Variants in DAG1 observed in about 807,000 individuals in gnomAD.
DAG1 encodes the protein dystroglycan 1 (dystrophin-associated glycoprotein 1).
A neutral mutation model predicts 46.1 loss-of-function variants in DAG1; 8 were observed. The ratio of observed to expected loss-of-function variants is 0.17; its 90% CI spans 0.10 to 0.31. The LOEUF (loss-of-function observed/expected upper bound fraction) is 0.31, where lower values mean the gene tolerates loss of function less well. DAG1 is among the 10% of genes least tolerant of loss of function. DAG1 has a pLI of 1.00. For missense variants in DAG1, 1,003 were observed against 1,189.9 expected (o/e 0.84, Z 2.31); for synonymous variants, 495 against 481.8 (o/e 1.03, Z -0.36).
At chr3:49,509,281 A>T (rs972014285) in intron 1 of DAG1, among the ~76,000 whole-genome samples, 1 of 152,156 alleles carries the variant, frequency 6.6e-6, no homozygotes, top group African/African-American at 2.4e-5. Context: ...AAAGATTTTT[A>T]AAAACTAGCT....
At chr3:49,512,987 C>T (rs761577680) in intron 2 of DAG1, among the ~76,000 whole-genome samples, 3 of 152,140 alleles carry the variant, frequency 2.0e-5, no homozygotes, top group Non-Finnish European at 4.4e-5. Context: ...ATGATCTCTG[C>T]ATTCAGACTT....
At position 49,528,275 on chromosome 3, in the gene DAG1, A is replaced by ATTTTTTTTTTTTTTTTT. The variant is rs147292984; in HGVS notation, c.286-2511_286-2495dup. ...CAGCCAAAACATTTGAAATAGTGTG[A>ATTTTTTTTTTTTTTTTT]TTTTTTTTTTTTTTTTTTTTTTTTT... On this transcript the variant is annotated intron_variant, in intron 2 of 2. Coordinates refer to ENST00000308775, the MANE Select transcript of DAG1 (RefSeq NM_004393.6). 2.3e-3 allele frequency among the ~76,000 whole-genome samples: 154 copies of ATTTTTTTTTTTTTTTTT among 66,628 alleles called. 25 individuals carry two copies. The highest frequency in any genetic ancestry group is 7.1e-3 in the African/African-American group (103 of 14,514). The allele number at this position is 66,628 out of a possible 152,430, so 43.7% of individuals were successfully genotyped here.
intron 2 of DAG1, among the ~76,000 whole-genome samples, chr3:49,518,666 A>C (rs534804801): frequency 6.6e-6 from 1 of 152,346 alleles, no homozygotes; most frequent in Non-Finnish European, 1.5e-5. Flanking sequence ...GTCCAGTCTC[A>C]GCCTGGCCAG....
In DAG1 at chr3:49,531,838, A is replaced by G. The variant is rs2051357630; in HGVS notation, c.1327A>G (p.Thr443Ala). 1.9e-6 allele frequency: 3 copies of G among 1,613,742 alleles called. No individual in the cohort carries two copies. In the East Asian group the frequency reaches 6.7e-5, roughly 36 times the overall value. Residue 443 changes from threonine (T) to alanine (A), a missense_variant, in exon 3 of 3, where the codon ACC becomes GCC. Around this residue, in one of 3 missense-constraint regions of DAG1, gnomAD observed 755 missense variants for 854.1 expected, o/e 0.88. Transcript: ENST00000308775. The surrounding 1 kb of genome is among the most constrained non-coding windows in gnomAD (Gnocchi z 7.0). Reference protein sequence around the residue: ...KPATPSTDSTTTTTRRPTKKP... With the variant: ...KPATPSTDSTATTTRRPTKKP... ...AGCAACGCCTTCAACTGACTCCACC[A>G]CCACCACGACTCGCAGGCCAACCAA...
chr3:49,517,591 A>G (rs915566374), intron 2 of DAG1, among the ~76,000 whole-genome samples: 12 of 152,158 alleles, frequency 7.9e-5, no homozygotes, highest in African/African-American at 2.4e-4. Context: ...AAGCTGACCT[A>G]TCATTGGGCC....
chr3:49,487,079 G>A (rs2050055936), intron 1 of DAG1: 1 of 152,070 alleles, frequency 6.6e-6, no homozygotes, highest in Non-Finnish European at 1.5e-5. Flanking sequence ...TAGTAATGGG[G>A]TTTCTCTGTG....
At chr3:49,505,316 GGT>G (rs2050575453) in intron 1 of DAG1, among the ~76,000 whole-genome samples, 1 of 151,920 alleles carries the variant, frequency 6.6e-6, no homozygotes, top group Admixed American at 6.6e-5. Context: ...TGCCAAGGCT[GGT>G]GTCAAACTCC....
At chr3:49,471,235 C>T (rs1200948226) in intron 1 of DAG1, among the ~76,000 whole-genome samples, 1 of 152,166 alleles carries the variant, frequency 6.6e-6, no homozygotes, top group Non-Finnish European at 1.5e-5. Context: ...ACTTAAGATT[C>T]TAGCCTGCTG....
intron 1 of DAG1, among the ~76,000 whole-genome samples, chr3:49,484,426 G>A (rs368427360): frequency 2.0e-5 from 3 of 152,084 alleles, no homozygotes; most frequent in South Asian, 2.1e-4. Flanking sequence ...TTGCTGACTA[G>A]AGAGGGATAT....
At chr3:49,475,441 C>CTGTTGCCCAGGCTGGAG (rs2049655302) in intron 1 of DAG1, among the ~76,000 whole-genome samples, 1 of 134,436 alleles carries the variant, frequency 7.4e-6, no homozygotes, top group Non-Finnish European at 1.6e-5. Flanking sequence ...GAGTCTCACT[C>CTGTTGCCCAGGCTGGAG]TGTTGCCCAG....
At chr3:49,473,675 C>G (rs2049592670) in intron 1 of DAG1, among the ~76,000 whole-genome samples, 1 of 150,290 alleles carries the variant, frequency 6.7e-6, no homozygotes, top group African/African-American at 2.4e-5. Flanking sequence ...CTCCGCCTCC[C>G]AGGTTCAAGC....
At chr3:49,498,053 G>T (rs1371813909) in intron 1 of DAG1, among the ~76,000 whole-genome samples, 2 of 152,168 alleles carry the variant, frequency 1.3e-5, no homozygotes, top group African/African-American at 4.8e-5. Flanking sequence ...TTTTATGTTT[G>T]ATAGAATGTG....
chr3:49,493,033 A>ATTTTTTTT (rs1559554755), intron 1 of DAG1: 1 of 78,756 alleles, frequency 1.3e-5, no homozygotes, highest in Non-Finnish European at 2.6e-5. Flanking sequence ...CATTATTTTT[A>ATTTTTTTT]TTCTTTTTTT....
chr3:49,512,084 T>C (rs1185305873), intron 2 of DAG1, among the ~76,000 whole-genome samples: 1 of 152,036 alleles, frequency 6.6e-6, no homozygotes, highest in Non-Finnish European at 1.5e-5. Context: ...CAGGCTGGAG[T>C]GCAGTGGTAC....
chr3:49,510,980 T>A, intron 2 of DAG1, 161 bp downstream of exon 2: 1 of 985,014 alleles, frequency 1.0e-6, no homozygotes, highest in Non-Finnish European at 1.2e-6. Context: ...AGAGAATCCC[T>A]ATATACTCAG....
chr3:49,496,461 A>G (rs1326053247), intron 1 of DAG1, among the ~76,000 whole-genome samples: 1 of 150,632 alleles, frequency 6.6e-6, no homozygotes, highest in Non-Finnish European at 1.5e-5. Context: ...AGGTTCAAGC[A>G]ATTCTGCTGC....
At chr3:49,476,010 C>T (rs1446481413) in intron 1 of DAG1, among the ~76,000 whole-genome samples, 7 of 151,950 alleles carry the variant, frequency 4.6e-5, no homozygotes, top group African/African-American at 1.4e-4. Flanking sequence ...CCACTGCACC[C>T]GGCCATAGCT....
intron 1 of DAG1, chr3:49,492,823 A>C (rs1342004717): frequency 6.6e-6 from 1 of 152,042 alleles, no homozygotes; most frequent in Non-Finnish European, 1.5e-5. Context: ...CTTCTTCCAG[A>C]TAGCCCTGGG....
intron 2 of DAG1, among the ~76,000 whole-genome samples, chr3:49,511,277 A>T (rs2050754785): frequency 6.6e-6 from 1 of 152,222 alleles, no homozygotes; most frequent in South Asian, 2.1e-4. Flanking sequence ...AACCAAAATT[A>T]GTACCCAAAC....
Sources: gnomAD v4.1 joint callset for allele counts (sites outside exome capture counted in the v4.1 genomes callset) on GRCh38, gnomAD v4.1.1 for gene constraint, gnomAD v4.1.1 regional missense constraint, Gnocchi (gnomAD v3.1) non-coding constraint, MANE v1.5 for transcripts, NCBI Gene and HGNC (gene_info 2026-07-23, HGNC 2026-07-21) for gene names.